LYPLA1: variants seen among roughly 807,000 people sequenced by gnomAD.
LYPLA1 encodes the protein lysophospholipase 1.
In LYPLA1, 17 loss-of-function variants were observed where a neutral mutation model predicts 34.0. The ratio of observed to expected loss-of-function variants is 0.50; its 90% CI spans 0.34 to 0.75. The LOEUF is 0.75. LYPLA1 is among the 30% of genes least tolerant of loss of function. The pLI is 0.01. For missense variants in LYPLA1, 203 were observed against 288.8 expected (o/e 0.70, Z 2.15); for synonymous variants, 98 against 100.8 (o/e 0.97, Z 0.17).
intron 2 of LYPLA1, among the ~76,000 whole-genome samples, chr8:54,081,037 G>A (rs1180785164): frequency 6.6e-6 from 1 of 152,188 alleles, no homozygotes; most frequent in African/African-American, 2.4e-5. Context: ...GAATAAAAAT[G>A]CTGGAGTTCA....
rs1328468445 is a variant in LYPLA1, at chr8:54,101,870, G to A, written c.-47C>T. ...CAAGCGGAAGGAAGAGCGGGCGCCCGGCCGCGGCCCAAGGGCGTGCGAGCG... is the reference window on the plus strand; with the variant it reads ...CAAGCGGAAGGAAGAGCGGGCGCCCAGCCGCGGCCCAAGGGCGTGCGAGCG... On this transcript the variant is annotated 5_prime_UTR_variant, in exon 1 of 9. Transcript: ENST00000316963. The A allele has an allele frequency of 3.6e-5, 42 of 1,166,092 alleles. No homozygotes were observed. Among genetic ancestry groups the A allele is most frequent in the South Asian group, 1.2e-4 (3 of 24,622 alleles). The allele number at this position is 1,166,092 out of a possible 1,614,324, so 72.2% of individuals were successfully genotyped here. A position where few individuals can be genotyped will look rare whatever the true frequency, so the allele number is the denominator to read the frequency against.
intron 2 of LYPLA1, among the ~76,000 whole-genome samples, chr8:54,085,028 GCA>G (rs1343833158): frequency 2.0e-5 from 3 of 151,546 alleles, no homozygotes; most frequent in Non-Finnish European, 4.4e-5. Flanking sequence ...CTCCCTCTTT[GCA>G]CAGTCTCCCT....
At chr8:54,095,147 C>G (rs1809587660) in intron 2 of LYPLA1, among the ~76,000 whole-genome samples, 1 of 151,906 alleles carries the variant, frequency 6.6e-6, no homozygotes. Flanking sequence ...CAGGCATGCA[C>G]CATCCTGTCC....
At chr8:54,052,913 C>T (rs74468971) in intron 6 of LYPLA1, 157 bp from the exon 7 acceptor site, 6,338 of 587,430 alleles carry the variant, frequency 0.011, 177 homozygotes, top group East Asian at 0.082. Context: ...CACACCCCAC[C>T]GTGTCCTAAA....
chr8:54,077,772 C>T (rs1412644141), intron 2 of LYPLA1, among the ~76,000 whole-genome samples: 8 of 152,066 alleles, frequency 5.3e-5, no homozygotes, highest in East Asian at 1.9e-4. Flanking sequence ...ATTTATCTGA[C>T]GGTCTAGAAC....
chr8:54,066,379 A>G (rs1322348067), intron 2 of LYPLA1, among the ~76,000 whole-genome samples: 1 of 152,234 alleles, frequency 6.6e-6, no homozygotes, highest in Non-Finnish European at 1.5e-5. Flanking sequence ...CCCTTCAGAT[A>G]TTTCCACAGG....
At chr8:54,098,202 G>T (rs992287754) in intron 2 of LYPLA1, among the ~76,000 whole-genome samples, 1 of 151,820 alleles carries the variant, frequency 6.6e-6, no homozygotes, top group Non-Finnish European at 1.5e-5. Flanking sequence ...CAGCCTGGGT[G>T]ACAGAGCAAG....
At chr8:54,062,936 G>C (rs1337859031) in intron 4 of LYPLA1, among the ~76,000 whole-genome samples, 1 of 152,166 alleles carries the variant, frequency 6.6e-6, no homozygotes, top group Non-Finnish European at 1.5e-5. Flanking sequence ...AAAGTGCAGA[G>C]GGAATGTGAG....
At chr8:54,070,660 T>G (rs543341093) in intron 2 of LYPLA1, among the ~76,000 whole-genome samples, 1 of 151,750 alleles carries the variant, frequency 6.6e-6, no homozygotes, top group African/African-American at 2.4e-5. Flanking sequence ...GAGGAGGAGG[T>G]TGCAGTGAGC....
intron 7 of LYPLA1, among the ~76,000 whole-genome samples, chr8:54,052,231 A>T (rs575842033): frequency 6.6e-6 from 1 of 152,242 alleles, no homozygotes; most frequent in African/African-American, 2.4e-5. Flanking sequence ...TCCTTCTAAT[A>T]TAAGATTTGT....
At chr8:54,056,141 A>C (rs1252066939) in intron 5 of LYPLA1, among the ~76,000 whole-genome samples, 4 of 152,210 alleles carry the variant, frequency 2.6e-5, no homozygotes, top group Non-Finnish European at 4.4e-5. Flanking sequence ...AAATCTATAC[A>C]CACACACCTA....
intron 2 of LYPLA1, among the ~76,000 whole-genome samples, chr8:54,085,789 G>T (rs1353114798): frequency 1.5e-5 from 2 of 131,708 alleles, no homozygotes; most frequent in African/African-American, 6.1e-5. Context: ...ACCCCGGCCA[G>T]CCGCCCCGTC....
At chr8:54,050,458 CAAAG>C (rs1805771223) in intron 8 of LYPLA1, among the ~76,000 whole-genome samples, 2 of 152,210 alleles carry the variant, frequency 1.3e-5, no homozygotes, top group Non-Finnish European at 2.9e-5. Flanking sequence ...CTTCTCAGCA[CAAAG>C]AGTCTCTGTT....
At chr8:54,065,506 T>G (rs913074545) in intron 3 of LYPLA1, among the ~76,000 whole-genome samples, 1 of 151,622 alleles carries the variant, frequency 6.6e-6, no homozygotes, top group African/African-American at 2.4e-5. Context: ...TTTTCTGGTC[T>G]TAAGTTCAGC....
rs561079960 is a variant in LYPLA1 at position 54,053,108 on chromosome 8, T to C, written c.361-352A>G. ...AAATTGGTATTACTTTTTTTTTTTT[T>C]TTTGAGATGGAGTTTCACTCTTGTT... On this transcript the variant is annotated intron_variant, in intron 6 of 8. Transcript: ENST00000316963. 57 of 192,368 alleles carry C rather than the reference T, an allele frequency of 3.0e-4. 1 individual carries two copies. The East Asian group carries it at 6.5e-3, about 22-fold the overall frequency. The allele number at this position is 192,368 out of a possible 1,614,324, so 11.9% of individuals were successfully genotyped here.
At chr8:54,096,699 C>T (rs779825308) in intron 2 of LYPLA1, among the ~76,000 whole-genome samples, 7 of 151,204 alleles carry the variant, frequency 4.6e-5, no homozygotes, top group African/African-American at 1.2e-4. Flanking sequence ...GCCAAGATCA[C>T]GCCACTACAC....
chr8:54,071,739 CACAA>C (rs1168785962), intron 2 of LYPLA1, among the ~76,000 whole-genome samples: 1 of 152,128 alleles, frequency 6.6e-6, no homozygotes. Flanking sequence ...TCAGAGATGA[CACAA>C]ACAAGTGGAA....
chr8:54,054,937 AG>A, intron 6 of LYPLA1, 122 bp downstream of exon 6: 1 of 643,064 alleles, frequency 1.6e-6, no homozygotes, highest in South Asian at 1.9e-5. Flanking sequence ...TAAACATCAA[AG>A]GTAAGTGTAT....
chr8:54,100,787 C>T, intron 2 of LYPLA1, 121 bp downstream of exon 2: 1 of 798,296 alleles, frequency 1.3e-6, no homozygotes, highest in African/African-American at 1.7e-5. Flanking sequence ...CTGTAAGATA[C>T]ATTAACTGGC....
Sources: allele counts gnomAD v4.1 joint callset (sites outside exome capture counted in the v4.1 genomes callset), GRCh38; gene constraint gnomAD v4.1.1; transcripts MANE v1.5; gene names NCBI Gene and HGNC (gene_info 2026-07-23, HGNC 2026-07-21).